Variants in FAM227B observed in about 807,000 individuals in gnomAD.
FAM227B encodes the protein family with sequence similarity 227 member B.
FAM227B carries 88 observed loss-of-function variants against 73.8 expected under a neutral mutation model. The observed-to-expected ratio is 1.19, with a 90% CI of 1.00 to 1.42. FAM227B has a LOEUF of 1.42. Among genes scored for constraint, FAM227B ranks in the 40% most tolerant of loss-of-function variants. The pLI is 0.00. For missense variants in FAM227B, 632 were observed against 590.9 expected (o/e 1.07, Z -0.72); for synonymous variants, 210 against 190.5 (o/e 1.10, Z -0.84).
chr15:49,510,756 T>C (rs574576861), intron 10 of FAM227B, among the ~76,000 whole-genome samples: 1 of 152,264 alleles, frequency 6.6e-6, no homozygotes, highest in South Asian at 2.1e-4. Flanking sequence ...TCCAATAACT[T>C]GATGAGAAAA....
intron 5 of FAM227B, among the ~76,000 whole-genome samples, chr15:49,583,746 A>C (rs575646132): frequency 8.7e-4 from 133 of 152,230 alleles, no homozygotes; most frequent in African/African-American, 3.1e-3. Context: ...CTGTCCACAT[A>C]AACTAGAAAA....
At chr15:49,511,025 T>A (rs561885296) in intron 10 of FAM227B, among the ~76,000 whole-genome samples, 1 of 152,086 alleles carries the variant, frequency 6.6e-6, no homozygotes, top group East Asian at 1.9e-4. Context: ...TACTGTGGCA[T>A]ACAGCAATTT....
chr15:49,371,435 G>T (rs375286606), intron 11 of FAM227B, 36 bp from the exon 12 acceptor site: 1 of 1,326,356 alleles, frequency 7.5e-7, no homozygotes. Flanking sequence ...TAAAATTCTG[G>T]TATTTTTTTC....
chr15:49,568,895 T>C (rs928610388), intron 8 of FAM227B, among the ~76,000 whole-genome samples: 1 of 151,986 alleles, frequency 6.6e-6, no homozygotes, highest in Non-Finnish European at 1.5e-5. Context: ...CCTTCTAACT[T>C]ACAGGTTGAG....
chr15:49,565,673 A>G (rs528550928), intron 9 of FAM227B, among the ~76,000 whole-genome samples: 1 of 152,244 alleles, frequency 6.6e-6, no homozygotes, highest in South Asian at 2.1e-4. Flanking sequence ...ACATGTTCTA[A>G]TCCCTGGAAC....
At position 49,395,871 on chromosome 15, in the gene FAM227B, A is replaced by G. The variant is rs376677976; in HGVS notation, c.1013-24472T>C. 90 of 450,130 alleles carry G rather than the reference A, an allele frequency of 2.0e-4. 2 individuals carry two copies. The East Asian group carries it at 2.3e-3, about 11-fold the overall frequency. 27.9% of individuals were successfully genotyped at this position (450,130 alleles called of 1,614,324 possible). A position where few individuals can be genotyped will look rare whatever the true frequency, so the allele number is the denominator to read the frequency against. ...TCAAAGGATAGAATTGAATCTCTCT[A>G]AATTTTCATGGCTGAGGATTCAGAA... On this transcript the variant is annotated intron_variant, in intron 11 of 15. Transcript: ENST00000299338.
intron 11 of FAM227B, among the ~76,000 whole-genome samples, chr15:49,476,267 G>A (rs1413831903): frequency 1.5e-5 from 2 of 133,930 alleles, no homozygotes; most frequent in African/African-American, 2.6e-5. Context: ...ATACTGCCAG[G>A]TATCACTTAT....
Position 49,357,373 on chromosome 15 carries a change from A to G in FAM227B, c.1271+10075T>C, listed in dbSNP as rs1487364534. 6.7e-4 allele frequency among the ~76,000 whole-genome samples: 100 copies of G among 149,552 alleles called. No homozygotes were observed. In the South Asian group the frequency reaches 0.01, roughly 16 times the overall value. ...AAAGAAAAAAAGAGAGAAGAATCAAATAGACGCAATAAAAAATGATAAAGG... is the reference window on the plus strand; with the variant it reads ...AAAGAAAAAAAGAGAGAAGAATCAAGTAGACGCAATAAAAAATGATAAAGG... On this transcript the variant is annotated intron_variant, in intron 13 of 15. Transcript: ENST00000299338.
intron 3 of FAM227B, among the ~76,000 whole-genome samples, chr15:49,606,537 C>A (rs2077532631): frequency 6.6e-6 from 1 of 152,198 alleles, no homozygotes; most frequent in African/African-American, 2.4e-5. Flanking sequence ...TGTTAGGTTG[C>A]CAATTCTGTG....
In FAM227B at chr15:49,588,014, A is replaced by G; in HGVS notation, c.405+2T>C. ...AGGATGATAAAAACATAGATACCAT[A>G]CCATTATCTTTTTTTTCTTATGGTA... On this transcript the variant is annotated splice_donor_variant, in intron 5 of 15. Coordinates refer to ENST00000299338, the MANE Select transcript of FAM227B (RefSeq NM_152647.3). LOFTEE classifies it high-confidence loss of function. The G allele has an allele frequency of 6.9e-7, 1 of 1,450,784 alleles. No individual in the cohort carries two copies. The highest frequency in any genetic ancestry group is 1.4e-5 in the South Asian group (1 of 70,678). The allele number at this position is 1,450,784 out of a possible 1,614,324, so 89.9% of individuals were successfully genotyped here. A position where few individuals can be genotyped will look rare whatever the true frequency, so the allele number is the denominator to read the frequency against.
At chr15:49,508,451 A>G in intron 10 of FAM227B, 103 bp from the exon 11 acceptor site, 1 of 1,066,862 alleles carries the variant, frequency 9.4e-7, no homozygotes, top group South Asian at 1.9e-5. Flanking sequence ...TCATCCTCAC[A>G]ACAAAAAAGT....
intron 11 of FAM227B, among the ~76,000 whole-genome samples, chr15:49,475,673 G>T (rs1226300014): frequency 2.0e-5 from 3 of 151,876 alleles, no homozygotes; most frequent in South Asian, 4.2e-4. Flanking sequence ...CAATTCCCAA[G>T]AATGTACACA....
chr15:49,354,988 C>A (rs936613334), intron 13 of FAM227B, among the ~76,000 whole-genome samples: 21 of 151,826 alleles, frequency 1.4e-4, no homozygotes, highest in African/African-American at 5.1e-4. Flanking sequence ...ACACTGACAC[C>A]TCACACGGCA....
At chr15:49,598,710 A>G (rs1438019679) in intron 3 of FAM227B, among the ~76,000 whole-genome samples, 1 of 152,044 alleles carries the variant, frequency 6.6e-6, no homozygotes, top group Non-Finnish European at 1.5e-5. Context: ...TGAGCTGATA[A>G]TAATTTTATT....
At chr15:49,519,987 T>A (rs2152157384) in intron 10 of FAM227B, among the ~76,000 whole-genome samples, 1 of 152,286 alleles carries the variant, frequency 6.6e-6, no homozygotes, top group African/African-American at 2.4e-5. Flanking sequence ...AGCTGAATGC[T>A]TTTAAGAGCA....
chr15:49,577,719 T>C (rs2075548759), intron 5 of FAM227B, 55 bp from the exon 6 acceptor site: 4 of 1,134,990 alleles, frequency 3.5e-6, no homozygotes, highest in South Asian at 1.5e-5. Context: ...AAATTTTACA[T>C]TTAGTAAATT....
At chr15:49,418,782 C>A (rs73398276) in intron 11 of FAM227B, among the ~76,000 whole-genome samples, 26,040 of 148,164 alleles carry the variant, frequency 0.18, 2,476 homozygotes, top group Non-Finnish European at 0.21. Context: ...CCTAAAAGAT[C>A]AAAAAAAGAA....
intron 11 of FAM227B, among the ~76,000 whole-genome samples, chr15:49,377,922 A>G (rs2151506021): frequency 6.6e-6 from 1 of 152,200 alleles, no homozygotes; most frequent in Non-Finnish European, 1.5e-5. Flanking sequence ...TGTTGCTCAA[A>G]AAAATGTCAC....
chr15:49,510,130 G>T (rs564011085), intron 10 of FAM227B, among the ~76,000 whole-genome samples: 2 of 152,114 alleles, frequency 1.3e-5, no homozygotes, highest in South Asian at 4.1e-4. Context: ...TTCTATTGAC[G>T]TCCAACTAGG....
Sources: allele counts gnomAD v4.1 joint callset (sites outside exome capture counted in the v4.1 genomes callset), GRCh38; gene constraint gnomAD v4.1.1; transcripts MANE v1.5; gene names NCBI Gene and HGNC (gene_info 2026-07-23, HGNC 2026-07-21).